The following MTMR8 variants were observed in gnomAD, a reference collection of about 807,000 sequenced individuals.
MTMR8 encodes phosphatidylinositol-3,5-bisphosphate 3-phosphatase MTMR8.
A neutral mutation model predicts 39.3 loss-of-function variants in MTMR8; 65 were observed. The ratio of observed to expected loss-of-function variants is 1.65; its 90% confidence interval spans 1.35 to 2.03. The LOEUF is 2.03. MTMR8 is among the 30% of genes most tolerant of loss of function. The pLI is 0.00. For synonymous variants in MTMR8, 245 were observed against 185.2 expected, an observed-to-expected ratio of 1.32 and a Z score of -2.62; for missense variants, 777 against 538.9, an observed-to-expected ratio of 1.44 and a Z score of -4.37.
intron 12 of MTMR8, among the ~76,000 whole-genome samples, chrX:64,300,474 G>T (rs1301821816): frequency 9.1e-6 from 1 of 110,389 alleles, no homozygotes; most frequent in African/African-American, 3.3e-5. Flanking sequence ...GTGTGTCTCT[G>T]CACATGAGAT....
intron 6 of MTMR8, 63 bp downstream of exon 6, chrX:64,348,597 A>G: frequency 1.7e-6 from 2 of 1,165,258 alleles, no homozygotes; most frequent in Non-Finnish European, 2.3e-6. Context: ...TGCATGTCTC[A>G]ATATATGAGG....
At chrX:64,365,227 A>G (rs1328670489) in intron 1 of MTMR8, among the ~76,000 whole-genome samples, 1 of 111,251 alleles carries the variant, frequency 9.0e-6, no homozygotes, top group Non-Finnish European at 1.9e-5. Flanking sequence ...CTAGCAAGGG[A>G]GGCCAACATT....
At chrX:64,365,976 CAGACTTTAAACCAACAAAGATCAAAAG>C (rs1392893150) in intron 1 of MTMR8, among the ~76,000 whole-genome samples, 8 of 111,632 alleles carry the variant, frequency 7.2e-5, no homozygotes, top group Non-Finnish European at 1.5e-4. Flanking sequence ...TCTGATAAAA[CAGACTTTAAACCAACAAAGATCAAAAG>C]AGACAAAGAA....
chrX:64,281,771 T>C (rs1346960580), intron 12 of MTMR8, among the ~76,000 whole-genome samples: 1 of 109,941 alleles, frequency 9.1e-6, no homozygotes, highest in Non-Finnish European at 1.9e-5. Flanking sequence ...ACCTACAAAA[T>C]GGGAGAAAAT....
At chrX:64,295,963 C>T (rs1309696595) in intron 12 of MTMR8, among the ~76,000 whole-genome samples, 2 of 111,839 alleles carry the variant, frequency 1.8e-5, no homozygotes, top group African/African-American at 6.5e-5. Context: ...TTAGGTTATA[C>T]CCCAAAGAAC....
chrX:64,357,189 C>T (rs1003185778), intron 2 of MTMR8, among the ~76,000 whole-genome samples: 1 of 111,559 alleles, frequency 9.0e-6, no homozygotes, highest in African/African-American at 3.3e-5. Context: ...CTCCTCCTAT[C>T]CCTGTCTTAT....
intron 4 of MTMR8, among the ~76,000 whole-genome samples, chrX:64,351,985 C>T (rs1230823771): frequency 9.0e-6 from 1 of 111,268 alleles, no homozygotes. Context: ...ACTTTGCATA[C>T]TTCAATCCAA....
chrX:64,368,460 C>T (rs778274180), intron 1 of MTMR8, among the ~76,000 whole-genome samples: 1 of 111,624 alleles, frequency 9.0e-6, no homozygotes, highest in African/African-American at 3.3e-5. Flanking sequence ...CACCACACAT[C>T]TAGAACCATC....
rs1923166548 is a variant in MTMR8, at chrX:64,339,702, G to C, written c.976-2309C>G. 2.7e-5 allele frequency among the ~76,000 whole-genome samples: 3 copies of C among 111,495 alleles called. No individual in the cohort carries two copies. In the South Asian group the frequency reaches 1.2e-3, roughly 43 times the overall value. On this transcript the variant is annotated intron_variant, in intron 8 of 13. Coordinates refer to ENST00000374852, the MANE Select transcript of MTMR8 (RefSeq NM_017677.4). ...AGACAAAGAGGGTTTAACTGACAGA[G>C]TTGGTTCCTTAAAGTAGGAAGAGAT...
chrX:64,346,643 A>T (rs1025258201), intron 6 of MTMR8, among the ~76,000 whole-genome samples: 2 of 110,162 alleles, frequency 1.8e-5, no homozygotes, highest in African/African-American at 6.6e-5. Flanking sequence ...ACTCTTTAAA[A>T]ATATGTCTGG....
rs149968914 is a variant in MTMR8 at position 64,278,133 on chromosome X, T to C, written c.1482-7060A>G. ...TATTCTAGTTAGCAATTCCTCTAAC[T>C]TTTTTTCAAGGTTCTTAGCTTCCTT... On this transcript the variant is annotated intron_variant, in intron 12 of 13. Transcript: ENST00000374852. 9.5e-3 allele frequency among the ~76,000 whole-genome samples: 1,042 copies of C among 109,805 alleles called. 14 individuals carry two copies. Among genetic ancestry groups the C allele is most frequent in the Admixed American group, 0.043 (440 of 10,151 alleles).
chrX:64,383,367 A>C (rs1388421407), intron 1 of MTMR8, among the ~76,000 whole-genome samples: 1 of 109,658 alleles, frequency 9.1e-6, no homozygotes, highest in African/African-American at 3.3e-5. Context: ...TATTATATAT[A>C]TGATATAATT....
intron 6 of MTMR8, among the ~76,000 whole-genome samples, chrX:64,345,969 A>T (rs1923339835): frequency 8.9e-6 from 1 of 111,984 alleles, no homozygotes; most frequent in Non-Finnish European, 1.9e-5. Context: ...TGCATGAGAT[A>T]AATGACTTTT....
intron 12 of MTMR8, among the ~76,000 whole-genome samples, chrX:64,296,868 A>T (rs1921617971): frequency 9.8e-6 from 1 of 102,203 alleles, no homozygotes; most frequent in Non-Finnish European, 2.0e-5. Flanking sequence ...ACTGAGAATG[A>T]TGATTTCCAA....
At chrX:64,313,822 G>A (rs1922384679) in intron 12 of MTMR8, among the ~76,000 whole-genome samples, 1 of 112,513 alleles carries the variant, frequency 8.9e-6, no homozygotes. Context: ...AAGAACCCTT[G>A]TTGAAGAACT....
At chrX:64,297,505 C>A (rs1387314037) in intron 12 of MTMR8, among the ~76,000 whole-genome samples, 4 of 84,325 alleles carry the variant, frequency 4.7e-5, no homozygotes, top group Non-Finnish European at 9.2e-5. Flanking sequence ...GAGTAGGTTG[C>A]GAAAATTTTC....
In MTMR8 at chrX:64,269,011, C is replaced by G. The variant is rs145287073; in HGVS notation, c.1641G>C (p.Glu547Asp). ...TTCCTAATTGAGAGCAGGTACAGAT[C>G]TCTTCTGGTGGCTCATCACGGACTT... ...KLKVRDEPPE[E>D]ICTCSQLGNI... Residue 547 changes from glutamate to aspartate, a missense_variant, in exon 14 of 14, where the codon GAG becomes GAC. Transcript: ENST00000374852. 51 of 1,209,732 alleles carry G rather than the reference C, an allele frequency of 4.2e-5. No homozygotes were observed. The highest frequency in any genetic ancestry group is 5.6e-5 in the Non-Finnish European group (50 of 895,073).
chrX:64,329,040 A>C, intron 11 of MTMR8, 140 bp from the exon 12 acceptor site: 1 of 490,356 alleles, frequency 2.0e-6, no homozygotes, highest in Non-Finnish European at 3.1e-6. Context: ...ACAGAAGAAA[A>C]ATAAGTGGAT....
intron 12 of MTMR8, among the ~76,000 whole-genome samples, chrX:64,283,208 C>A (rs1921023801): frequency 1.8e-5 from 2 of 111,870 alleles, no homozygotes; most frequent in Admixed American, 1.9e-4. Context: ...GTCCCACGCC[C>A]AAAAAGCCTC....
Sources: gnomAD v4.1 joint callset for allele counts (sites outside exome capture counted in the v4.1 genomes callset) on GRCh38, gnomAD v4.1.1 for gene constraint, MANE v1.5 for transcripts, NCBI Gene and HGNC (gene_info 2026-07-23, HGNC 2026-07-21) for gene names.